SPTLC3: variants seen among roughly 807,000 people sequenced by gnomAD.
SPTLC3 encodes the protein serine palmitoyltransferase long chain base subunit 3.
SPTLC3 carries 36 observed loss-of-function variants against 59.3 expected under a neutral mutation model. The ratio of observed to expected loss-of-function variants is 0.61; its 90% CI spans 0.47 to 0.80. The LOEUF is 0.80. SPTLC3 is among the 30% of genes least tolerant of loss of function. The probability of loss-of-function intolerance (pLI) is 0.00; values close to 1 mark genes in which losing one functional copy is unlikely to be tolerated. For missense variants in SPTLC3, 625 were observed against 685.1 expected (o/e 0.91, Z 0.98); for synonymous variants, 257 against 240.8 (o/e 1.07, Z -0.62).
chr20:13,018,536 C>A (rs1259103142), intron 1 of SPTLC3, among the ~76,000 whole-genome samples: 1 of 152,130 alleles, frequency 6.6e-6, no homozygotes, highest in Non-Finnish European at 1.5e-5. Flanking sequence ...TAATTATTAA[C>A]CCTTAGGAGG....
At chr20:13,047,366 A>G (rs1330940941) in intron 1 of SPTLC3, among the ~76,000 whole-genome samples, 1 of 152,168 alleles carries the variant, frequency 6.6e-6, no homozygotes, top group East Asian at 1.9e-4. Flanking sequence ...ACGATTTAAT[A>G]TCATAAATCA....
At chr20:13,131,680 A>G (rs1206464534) in intron 9 of SPTLC3, among the ~76,000 whole-genome samples, 1 of 152,064 alleles carries the variant, frequency 6.6e-6, no homozygotes, top group Non-Finnish European at 1.5e-5. Flanking sequence ...CACTCTCTCT[A>G]TCACCTCTCA....
intron 2 of SPTLC3, among the ~76,000 whole-genome samples, chr20:13,055,560 G>A (rs1987687049): frequency 6.6e-6 from 1 of 152,176 alleles, no homozygotes; most frequent in Admixed American, 6.5e-5. Context: ...GCATTTCTTG[G>A]AAGGCTTAGG....
chr20:13,112,875 C>G (rs1359104166), intron 7 of SPTLC3, among the ~76,000 whole-genome samples: 1 of 152,152 alleles, frequency 6.6e-6, no homozygotes, highest in African/African-American at 2.4e-5. Context: ...TTCTAATTTG[C>G]AACTATCACC....
intron 9 of SPTLC3, among the ~76,000 whole-genome samples, chr20:13,127,352 G>A (rs569180767): frequency 6.6e-6 from 1 of 152,270 alleles, no homozygotes; most frequent in South Asian, 2.1e-4. Context: ...CACACCAGAG[G>A]GGATACGGTG....
intron 2 of SPTLC3, among the ~76,000 whole-genome samples, chr20:13,052,366 C>T (rs6033594): frequency 0.87 from 132,602 of 152,138 alleles, 57,851 homozygotes; most frequent in East Asian, 0.92. Context: ...TTCCCACAGT[C>T]TTCACAACCC....
chr20:13,010,271 T>A (rs1985169835), intron 1 of SPTLC3, among the ~76,000 whole-genome samples: 1 of 152,154 alleles, frequency 6.6e-6, no homozygotes, highest in African/African-American at 2.4e-5. Context: ...GGTAGCCTCC[T>A]GTTTGGAAAG....
chr20:13,026,542 C>T (rs945299667), intron 1 of SPTLC3, among the ~76,000 whole-genome samples: 6 of 152,084 alleles, frequency 3.9e-5, no homozygotes, highest in Non-Finnish European at 5.9e-5. Context: ...AGTGTCTGTT[C>T]GTGTCCTCGG....
At chr20:13,026,186 C>T (rs2122409499) in intron 1 of SPTLC3, among the ~76,000 whole-genome samples, 1 of 152,248 alleles carries the variant, frequency 6.6e-6, no homozygotes, top group Admixed American at 6.5e-5. Flanking sequence ...CTAAAATGAA[C>T]ATATATGTGC....
At chr20:13,118,215 G>C (rs1990677658) in intron 8 of SPTLC3, among the ~76,000 whole-genome samples, 2 of 152,136 alleles carry the variant, frequency 1.3e-5, no homozygotes, top group African/African-American at 4.8e-5. Flanking sequence ...CTGACCCTAT[G>C]CTACAAGTTG....
chr20:13,106,279 T>G (rs2122679943), intron 6 of SPTLC3, among the ~76,000 whole-genome samples: 1 of 152,334 alleles, frequency 6.6e-6, no homozygotes, highest in African/African-American at 2.4e-5. Flanking sequence ...AGGTAATGAT[T>G]GAGCCTAGTA....
At chr20:13,108,727 A>G (rs1016720521) in intron 6 of SPTLC3, among the ~76,000 whole-genome samples, 7 of 152,084 alleles carry the variant, frequency 4.6e-5, no homozygotes, top group Non-Finnish European at 1.0e-4. Flanking sequence ...GGTGCCTACC[A>G]CCATACCCAC....
chr20:13,088,910 C>T (rs7509392), intron 4 of SPTLC3, among the ~76,000 whole-genome samples: 15,509 of 151,302 alleles, frequency 0.1, 846 homozygotes, highest in Middle Eastern at 0.17. Flanking sequence ...GGATTACAGG[C>T]GTGGGCCACG....
At chr20:13,138,405 G>A (rs530183184) in intron 9 of SPTLC3, among the ~76,000 whole-genome samples, 82 of 152,192 alleles carry the variant, frequency 5.4e-4, no homozygotes, top group Non-Finnish European at 1.0e-3. Context: ...GCCCTATCTT[G>A]ATGGCCCCAG....
At position 13,019,981 on chromosome 20, in the gene SPTLC3, A is replaced by ATG. The variant is rs112747053; in HGVS notation, c.117+10603_117+10604dup. Among the ~76,000 whole-genome samples the ATG allele has an allele frequency of 1.6e-3, 244 of 152,300 alleles. 1 individual carries two copies. The highest frequency in any genetic ancestry group is 5.6e-3 in the African/African-American group (231 of 41,560). Reference sequence around the variant, plus strand: ...AACTGCAAAATTTTTTACATAGAGAATGTGTGTATTCCCTGACTTCCTCAG... The same window carrying ATG: ...AACTGCAAAATTTTTTACATAGAGAATGTGTGTGTATTCCCTGACTTCCTCAG... On this transcript the variant is annotated intron_variant, in intron 1 of 11. Coordinates refer to ENST00000399002, the MANE Select transcript of SPTLC3 (RefSeq NM_018327.4).
intron 1 of SPTLC3, among the ~76,000 whole-genome samples, chr20:13,009,716 T>G (rs360529): frequency 1.3e-5 from 2 of 152,066 alleles, no homozygotes; most frequent in Non-Finnish European, 2.9e-5. Context: ...CATATATTTT[T>G]GTCCAAGAGA....
chr20:13,145,837 A>T (rs1181803918), intron 9 of SPTLC3, among the ~76,000 whole-genome samples: 3 of 152,242 alleles, frequency 2.0e-5, no homozygotes, highest in Non-Finnish European at 4.4e-5. Context: ...ATAAGACTGC[A>T]TATCTTCAAC....
intron 5 of SPTLC3, among the ~76,000 whole-genome samples, chr20:13,092,798 A>G (rs1989272485): frequency 6.6e-6 from 1 of 152,194 alleles, no homozygotes; most frequent in South Asian, 2.1e-4. Flanking sequence ...ACCACAAAAG[A>G]CAAAGGTCCA....
At position 13,164,845 on chromosome 20, in the gene SPTLC3, C is replaced by A; in HGVS notation, c.1637C>A (p.Thr546Lys). Residue 546 changes from threonine (T) to lysine (K), a missense_variant, in exon 12 of 12, where the codon ACG becomes AAG. Coordinates refer to ENST00000399002, the MANE Select transcript of SPTLC3 (RefSeq NM_018327.4). ...KSARPELYDE[T>K]SFELED ...GCACGTCCTGAGCTCTATGATGAGA[C>A]GAGCTTTGAACTCGAAGATTAAGTT... is the stretch of plus-strand genomic sequence containing the variant. 6 of 1,613,464 alleles carry A rather than the reference C, an allele frequency of 3.7e-6. No homozygotes were observed. The highest frequency in any genetic ancestry group is 5.1e-6 in the Non-Finnish European group (6 of 1,179,674).
Sources: gnomAD v4.1 joint callset for allele counts (sites outside exome capture counted in the v4.1 genomes callset) on GRCh38, gnomAD v4.1.1 for gene constraint, MANE v1.5 for transcripts, NCBI Gene and HGNC (gene_info 2026-07-23, HGNC 2026-07-21) for gene names.